RBFOX1: variants seen among roughly 807,000 people sequenced by gnomAD.
RBFOX1 encodes the protein RNA binding fox-1 homolog 1, also known as RNA binding protein fox-1 homolog 1.
A neutral mutation model predicts 57.7 loss-of-function variants in RBFOX1; 8 were observed. The ratio of observed to expected loss-of-function variants is 0.14; its 90% CI spans 0.08 to 0.25. The LOEUF is 0.25. Among genes scored for constraint, RBFOX1 ranks in the 10% least tolerant of loss-of-function variants. RBFOX1 has a pLI of 1.00. For missense variants in RBFOX1, 611 were observed against 548.5 expected (o/e 1.11, Z -1.14); for synonymous variants, 326 against 222.4 (o/e 1.47, Z -4.15).
chr16:6,578,620 G>GTGTGTGTGTGTGT (rs2097484662), intron 2 of RBFOX1, among the ~76,000 whole-genome samples: 1 of 7,618 alleles, frequency 1.3e-4, no homozygotes, highest in African/African-American at 2.5e-4. Context: ...TGTGAGCATG[G>GTGTGTGTGTGTGT]GAGAAACAGA....
rs137891422 is a variant in RBFOX1, at chr16:6,793,532, C to G, written c.-16+138882C>G. 9.0e-4 allele frequency among the ~76,000 whole-genome samples: 137 copies of G among 152,208 alleles called. No homozygotes were observed. In the Middle Eastern group the frequency reaches 0.01, roughly 11 times the overall value. On this transcript the variant is annotated intron_variant, in intron 3 of 15. Coordinates refer to ENST00000550418, the MANE Select transcript of RBFOX1 (RefSeq NM_018723.4). Reference sequence around the variant, plus strand: ...TGGCCATTTCCAAACATTTCTAGGTCTTTGTTATTGACCTGCCTACATTTC... The same window carrying G: ...TGGCCATTTCCAAACATTTCTAGGTGTTTGTTATTGACCTGCCTACATTTC...
intron 1 of RBFOX1, among the ~76,000 whole-genome samples, chr16:5,384,971 A>G (rs1433538753): frequency 6.6e-6 from 1 of 152,244 alleles, no homozygotes; most frequent in Non-Finnish European, 1.5e-5. Context: ...TTAAAACAAA[A>G]TCGCTTACTG....
chr16:6,776,949 T>G (rs1338526914), intron 3 of RBFOX1, among the ~76,000 whole-genome samples: 2 of 152,200 alleles, frequency 1.3e-5, no homozygotes, highest in African/African-American at 4.8e-5. Context: ...GTTCATAAAT[T>G]ATCTGAGAGG....
chr16:6,303,660 T>C (rs1270227367), intron 1 of RBFOX1, among the ~76,000 whole-genome samples: 1 of 152,078 alleles, frequency 6.6e-6, no homozygotes, highest in African/African-American at 2.4e-5. Flanking sequence ...TACTTTTCAT[T>C]GAGAAATAGA....
chr16:5,766,385 G>A, intron 3 of RBFOX1, among the ~76,000 whole-genome samples: 1 of 152,140 alleles, frequency 6.6e-6, no homozygotes, highest in Non-Finnish European at 1.5e-5. Flanking sequence ...AGGAGATCAA[G>A]ACCATCCTGG....
At chr16:5,548,465 G>C (rs11639793) in intron 2 of RBFOX1, among the ~76,000 whole-genome samples, 44,863 of 151,430 alleles carry the variant, frequency 0.3, 7,158 homozygotes, top group Non-Finnish European at 0.35. Flanking sequence ...GACCATAGTT[G>C]ATAATAACTT....
chr16:6,172,592 A>G lies in RBFOX1; in HGVS notation c.-126-144403A>G, dbSNP rs374909984. Among the ~76,000 whole-genome samples the G allele has an allele frequency of 5.0e-3, 754 of 150,906 alleles. 5 individuals carry two copies. Among genetic ancestry groups the G allele is most frequent in the Non-Finnish European group, 8.6e-3 (584 of 67,998 alleles). Reference sequence around the variant, plus strand: ...AGAATAATGGATGTGATGCAGCCTCAGTGGTGGACTTCCTGAGTTCAAGTT... The same window carrying G: ...AGAATAATGGATGTGATGCAGCCTCGGTGGTGGACTTCCTGAGTTCAAGTT... On this transcript the variant is annotated intron_variant, in intron 1 of 15. Coordinates refer to ENST00000550418, the MANE Select transcript of RBFOX1 (RefSeq NM_018723.4).
intron 2 of RBFOX1, among the ~76,000 whole-genome samples, chr16:6,611,206 G>T (rs2098045539): frequency 6.6e-6 from 1 of 152,172 alleles, no homozygotes; most frequent in Admixed American, 6.5e-5. Flanking sequence ...GAGTATAATG[G>T]TGCAATCTAG....
intron 4 of RBFOX1, among the ~76,000 whole-genome samples, chr16:7,497,833 C>T (rs1165249485): frequency 9.9e-5 from 15 of 152,208 alleles, no homozygotes; most frequent in Non-Finnish European, 1.5e-4. Context: ...CATACTGGAG[C>T]GTTTTCAAGA....
intron 4 of RBFOX1, among the ~76,000 whole-genome samples, chr16:7,150,767 T>G (rs1476326323): frequency 6.6e-6 from 1 of 152,224 alleles, no homozygotes; most frequent in African/African-American, 2.4e-5. Flanking sequence ...CCAGCAGTGT[T>G]CACTGCAGCA....
At chr16:6,660,486 C>T (rs778035230) in intron 3 of RBFOX1, among the ~76,000 whole-genome samples, 68 of 152,238 alleles carry the variant, frequency 4.5e-4, no homozygotes, top group Non-Finnish European at 8.4e-4. Flanking sequence ...CAGGACGTAT[C>T]ATGAGGCCAC....
intron 1 of RBFOX1, among the ~76,000 whole-genome samples, chr16:6,272,674 C>G (rs2075334320): frequency 1.3e-5 from 2 of 152,116 alleles, no homozygotes; most frequent in Non-Finnish European, 2.9e-5. Context: ...TGAGTCTGTT[C>G]AAAAACAAAA....
intron 4 of RBFOX1, among the ~76,000 whole-genome samples, chr16:7,210,519 A>G (rs1682251557): frequency 6.6e-6 from 1 of 152,228 alleles, no homozygotes. Flanking sequence ...ATGCCTTCAC[A>G]GCAATACCTA....
chr16:6,499,718 T>C (rs1397817246), intron 2 of RBFOX1, among the ~76,000 whole-genome samples: 1 of 152,118 alleles, frequency 6.6e-6, no homozygotes, highest in Non-Finnish European at 1.5e-5. Flanking sequence ...TCCCCCTGAT[T>C]TATTGTGCAA....
In RBFOX1 at chr16:6,594,437, G is replaced by A. The variant is rs542097022; in HGVS notation, c.-63-60166G>A. Reference sequence around the variant, plus strand: ...GGTTGAGATACAAAAGCAGGTGGTGGGGGGGTCTGTGGCAAACTCGGCAAT... The same window carrying A: ...GGTTGAGATACAAAAGCAGGTGGTGAGGGGGTCTGTGGCAAACTCGGCAAT... On this transcript the variant is annotated intron_variant, in intron 2 of 15. Transcript: ENST00000550418. Among the ~76,000 whole-genome samples, 19 of 152,250 alleles carry A rather than the reference G, an allele frequency of 1.2e-4. No homozygotes were observed. In the South Asian group the frequency reaches 3.9e-3, roughly 32 times the overall value.
chr16:6,442,271 C>G (rs1034121254), intron 2 of RBFOX1, among the ~76,000 whole-genome samples: 5 of 152,122 alleles, frequency 3.3e-5, no homozygotes, highest in Non-Finnish European at 7.4e-5. Context: ...GAAATAAACA[C>G]TGTTGGCCGT....
At chr16:7,544,062 A>G (rs17677211) in intron 5 of RBFOX1, among the ~76,000 whole-genome samples, 8,727 of 152,276 alleles carry the variant, frequency 0.057, 371 homozygotes, top group South Asian at 0.15. Context: ...TGTCTTCCCA[A>G]TGACTTTATA....
intron 2 of RBFOX1, among the ~76,000 whole-genome samples, chr16:6,329,389 G>C (rs1199085689): frequency 1.3e-5 from 2 of 152,152 alleles, no homozygotes; most frequent in Non-Finnish European, 2.9e-5. Flanking sequence ...CTTAAAGTTA[G>C]ACAGCATGCA....
intron 4 of RBFOX1, among the ~76,000 whole-genome samples, chr16:7,332,085 G>T (rs1407620929): frequency 6.6e-6 from 1 of 152,114 alleles, no homozygotes; most frequent in African/African-American, 2.4e-5. Context: ...AAAATAAAAG[G>T]CATAGAAAAT....
Sources: gnomAD v4.1 joint callset for allele counts (sites outside exome capture counted in the v4.1 genomes callset) on GRCh38, gnomAD v4.1.1 for gene constraint, MANE v1.5 for transcripts, NCBI Gene and HGNC (gene_info 2026-07-23, HGNC 2026-07-21) for gene names.